Variants in FANCA observed in about 807,000 individuals in gnomAD.
The protein encoded by FANCA is Fanconi anemia group A protein.
A neutral mutation model predicts 194.3 loss-of-function variants in FANCA; 236 were observed. That is an observed-to-expected ratio of 1.21 (90% CI 1.09 to 1.35). The LOEUF is 1.35. Among genes scored for constraint, FANCA ranks in the 40% most tolerant of loss-of-function variants. The pLI is 0.00. For missense variants in FANCA, 2,628 were observed against 1,813.9 expected, an observed-to-expected ratio of 1.45 and a Z score of -8.15; for synonymous variants, 1,014 against 715.8, an observed-to-expected ratio of 1.42 and a Z score of -6.65.
chr16:89,791,023 G>GTTTTT (rs11355118), intron 14 of FANCA: 21 of 94,856 alleles, frequency 2.2e-4, no homozygotes, highest in Admixed American at 5.4e-4. Flanking sequence ...GTGTGTGTGT[G>GTTTTT]TTTTTTTTTT....
Position 89,740,083 on chromosome 16 carries a change from G to A in FANCA, c.3845C>T (p.Pro1282Leu), listed in dbSNP as rs370949960. Reference sequence around the variant, plus strand: ...TGCTGCACAAACGTGGAAAGCCTTTGGCAGGTCTGTGGTGCTCTGTAAACC... The same window carrying A: ...TGCTGCACAAACGTGGAAAGCCTTTAGCAGGTCTGTGGTGCTCTGTAAACC... Reference protein sequence around the residue: ...HLTSNSTTDLPKAFHVCAAIL... With the variant: ...HLTSNSTTDLLKAFHVCAAIL... The change falls in exon 39 of 43, where the codon CCA becomes CTA. Residue 1282 changes from proline (P) to leucine (L), a missense_variant. Physicochemically the swap from Pro to Leu is moderately conservative, Grantham distance 98 (BLOSUM62 -3). Coordinates refer to ENST00000389301, the MANE Select transcript of FANCA (RefSeq NM_000135.4). The A allele has an allele frequency of 1.2e-6, 2 of 1,614,176 alleles. No homozygotes were observed. Among genetic ancestry groups the A allele is most frequent in the South Asian group, 2.2e-5 (2 of 91,076 alleles).
chr16:89,815,979 C>A lies in FANCA; in HGVS notation c.87G>T (p.Arg29Ser), dbSNP rs760787108. Reference sequence around the variant, plus strand: ...CAGGATTATATTTTTCCCTCTTGACCCTTCCCGCTACGGAGAGAAGTCGGT... The same window carrying A: ...CAGGATTATATTTTTCCCTCTTGACACTTCCCGCTACGGAGAGAAGTCGGT... ...RRAWAELLAG[R>S]VKREKYNPER... The change falls in exon 2 of 43, where the codon AGG becomes AGT. Residue 29 changes from arginine to serine, a missense_variant. Arg to Ser is a moderately radical substitution (Grantham distance 110). Transcript: ENST00000389301. The A allele has an allele frequency of 4.3e-6, 7 of 1,613,036 alleles. No individual in the cohort carries two copies. The highest frequency in any genetic ancestry group is 5.1e-6 in the Non-Finnish European group (6 of 1,179,036).
chr16:89,804,795 A>G (rs2143627065), intron 7 of FANCA, among the ~76,000 whole-genome samples: 1 of 152,226 alleles, frequency 6.6e-6, no homozygotes. Flanking sequence ...GCACTTTGGG[A>G]GGCCGAGGGG....
chr16:89,740,782 T>TG, intron 38 of FANCA, 22 bp downstream of exon 38: 1 of 1,611,226 alleles, frequency 6.2e-7, no homozygotes, highest in South Asian at 1.1e-5. Flanking sequence ...GAGGACACCT[T>TG]GGCTGGTAAG....
At chr16:89,798,552 C>T in intron 10 of FANCA, 3 of 1,123,214 alleles carry the variant, frequency 2.7e-6, no homozygotes, top group Non-Finnish European at 3.3e-6. Flanking sequence ...GTCCCCTGCC[C>T]ACACTAGAGG....
intron 30 of FANCA, among the ~76,000 whole-genome samples, chr16:89,755,862 A>C (rs931341331): frequency 6.6e-6 from 1 of 152,072 alleles, no homozygotes; most frequent in African/African-American, 2.4e-5. Flanking sequence ...GGCACGGCCC[A>C]CCGCACAGAC....
intron 30 of FANCA, among the ~76,000 whole-genome samples, chr16:89,755,355 A>G (rs1276420039): frequency 3.9e-5 from 6 of 152,050 alleles, no homozygotes; most frequent in Non-Finnish European, 8.8e-5. Context: ...CTGGGATTAC[A>G]GGCGCCTGCC....
Position 89,745,222 on chromosome 16 carries a change from G to A in FANCA, c.3514-151C>T, listed in dbSNP as rs185266674. The stretch of plus-strand genomic sequence containing the variant: ...GAACTCCAAAGCCAGTATTTTTTAC[G>A]TCAATTAAGGCTCAAAGCAGTTCCA... On this transcript the variant is annotated intron_variant, in intron 35 of 42. Coordinates refer to ENST00000389301, the MANE Select transcript of FANCA (RefSeq NM_000135.4). 315 of 733,418 alleles carry A rather than the reference G, an allele frequency of 4.3e-4. 4 individuals are homozygous for A. The highest frequency in any genetic ancestry group is 3.8e-3 in the South Asian group (244 of 64,908). 45.4% of individuals were successfully genotyped at this position (733,418 alleles called of 1,614,324 possible). A position where few individuals can be genotyped will look rare whatever the true frequency, so the allele number is the denominator to read the frequency against.
intron 3 of FANCA, among the ~76,000 whole-genome samples, chr16:89,813,008 G>A (rs1305641697): frequency 1.3e-5 from 2 of 148,776 alleles, no homozygotes; most frequent in African/African-American, 5.0e-5. Flanking sequence ...ACTCCAGCCT[G>A]GGCGACAGAG....
intron 30 of FANCA, among the ~76,000 whole-genome samples, chr16:89,757,544 T>C (rs1274984752): frequency 6.6e-6 from 1 of 152,094 alleles, no homozygotes; most frequent in Non-Finnish European, 1.5e-5. Context: ...AACAGGCAAA[T>C]CCATGAACAT....
At chr16:89,773,420 C>G (rs1567621293) in intron 21 of FANCA, 36 bp from the exon 22 acceptor site, 1 of 1,388,318 alleles carries the variant, frequency 7.2e-7, no homozygotes, top group Non-Finnish European at 1.0e-6. Context: ...TGGAAAGACA[C>G]TCAACAGGAC....
chr16:89,790,058 T>C (rs2040017083), intron 14 of FANCA, among the ~76,000 whole-genome samples: 1 of 152,158 alleles, frequency 6.6e-6, no homozygotes, highest in African/African-American at 2.4e-5. Context: ...AGGAAGAATA[T>C]GTGATACGGC....
In FANCA at chr16:89,758,687, C is replaced by T; in HGVS notation, c.2871G>A (p.Trp957Ter). The T allele has an allele frequency of 6.2e-6, 10 of 1,613,860 alleles. No homozygotes were observed. Among genetic ancestry groups the T allele is most frequent in the Non-Finnish European group, 7.6e-6 (9 of 1,179,852 alleles). ...CAGGGAGAAAGTGCTCATGGATCGC[C>T]CACTGGTGGAAGTCCTGCCTAGAAC... ...SDTERQDFHQWAIHEHFLPES... is the reference protein window; with the variant it reads ...SDTERQDFHQ Residue 957 changes from tryptophan (W) to a stop codon, truncating the protein, a stop_gained, in exon 30 of 43, where the codon TGG becomes TGA. Coordinates refer to ENST00000389301, the MANE Select transcript of FANCA (RefSeq NM_000135.4). LOFTEE classifies it high-confidence loss of function.
chr16:89,805,321 G>C lies in FANCA; in HGVS notation c.668C>G (p.Ala223Gly). 1 of 1,614,058 alleles carries C rather than the reference G, an allele frequency of 6.2e-7. No individual in the cohort carries two copies. Residue 223 changes from alanine (A) to glycine (G), a missense_variant, in exon 7 of 43, where the codon GCA becomes GGA. Coordinates refer to ENST00000389301, the MANE Select transcript of FANCA (RefSeq NM_000135.4). ...GGCGACGTCAGCATGCTGGCAGGAT[G>C]CTTCCATCTGTTCACAAAGGCAGCA... The part of the protein sequence containing the change: ...NLCCLCEQME[A>G]SCQHADVARA...
At chr16:89,792,753 T>C (rs773738917) in intron 11 of FANCA, 12 of 510,904 alleles carry the variant, frequency 2.3e-5, no homozygotes, top group Non-Finnish European at 4.4e-5. Flanking sequence ...AGACCGGTAG[T>C]GGCCCTGAAT....
Position 89,775,638 on chromosome 16 carries a change from A to T in FANCA, c.1900+104T>A, listed in dbSNP as rs1042072210. 3.1e-4 allele frequency: 289 copies of T among 928,356 alleles called. 2 individuals carry two copies. Among genetic ancestry groups the T allele is most frequent in the Admixed American group, 2.0e-4 (10 of 49,448 alleles). The allele number at this position is 928,356 out of a possible 1,614,324, so 57.5% of individuals were successfully genotyped here. A position where few individuals can be genotyped will look rare whatever the true frequency, so the allele number is the denominator to read the frequency against. The stretch of plus-strand genomic sequence containing the variant: ...CCAAAGCACCGGCTTGAGCTGGCAC[A>T]GCCACCCCCGAGCTCACTCGGGTGG... On this transcript the variant is annotated intron_variant, in intron 21 of 42. Transcript: ENST00000389301.
chr16:89,795,557 G>C (rs762740704), intron 11 of FANCA, among the ~76,000 whole-genome samples: 1 of 152,136 alleles, frequency 6.6e-6, no homozygotes, highest in Admixed American at 6.6e-5. Context: ...AGAATTGCTT[G>C]AACCTGGGAG....
In FANCA at chr16:89,775,898, T is replaced by G. The variant is rs545150656; in HGVS notation, c.1827-83A>C. The G allele has an allele frequency of 4.8e-6, 4 of 827,632 alleles. No individual in the cohort carries two copies. In the South Asian group the frequency reaches 6.6e-5, roughly 14 times the overall value. The allele number at this position is 827,632 out of a possible 1,614,324, so 51.3% of individuals were successfully genotyped here. ...TACAATCCCCAAATCTATTATAAAA[T>G]AAAAACATATTAAATTTAAATAAAT... On this transcript the variant is annotated intron_variant, in intron 20 of 42. Coordinates refer to ENST00000389301, the MANE Select transcript of FANCA (RefSeq NM_000135.4).
chr16:89,784,788 G>T, intron 15 of FANCA, 66 bp downstream of exon 15: 1 of 1,264,690 alleles, frequency 7.9e-7, no homozygotes, highest in Non-Finnish European at 1.2e-6. Context: ...GGAGGCCAAG[G>T]CAGTCCTCAG....
Sources: allele counts gnomAD v4.1 joint callset (sites outside exome capture counted in the v4.1 genomes callset), GRCh38; gene constraint gnomAD v4.1.1; transcripts MANE v1.5; gene names NCBI Gene and HGNC (gene_info 2026-07-23, HGNC 2026-07-21).